Variants in TACC2 observed in about 807,000 individuals in gnomAD.
TACC2 encodes the protein transforming acidic coiled-coil containing protein 2.
Under a neutral mutation model 227.3 loss-of-function variants are expected in TACC2, and 137 were observed. The ratio of observed to expected loss-of-function variants is 0.60; its 90% CI spans 0.52 to 0.69. The LOEUF is 0.69. Ranked by LOEUF, TACC2 falls within the 30% of genes least tolerant of loss-of-function variation. TACC2 has a pLI of 0.00. For missense variants in TACC2, 3,470 were observed against 3,694.4 expected, an observed-to-expected ratio of 0.94 and a Z score of 1.57; for synonymous variants, 1,523 against 1,487.5, an observed-to-expected ratio of 1.02 and a Z score of -0.55.
chr10:122,076,433 A>T (rs1413039596), intron 3 of TACC2, among the ~76,000 whole-genome samples: 1 of 152,114 alleles, frequency 6.6e-6, no homozygotes, highest in East Asian at 1.9e-4. Context: ...CATTCAATCC[A>T]TTGCACTAAC....
intron 11 of TACC2, among the ~76,000 whole-genome samples, chr10:122,219,097 T>G (rs929945308): frequency 2.7e-4 from 41 of 151,348 alleles, no homozygotes; most frequent in Admixed American, 2.0e-3. Flanking sequence ...CTCAGCCTCC[T>G]TTGGATCCTT....
chr10:122,024,727 G>T (rs1957778762), intron 2 of TACC2, among the ~76,000 whole-genome samples: 1 of 151,892 alleles, frequency 6.6e-6, no homozygotes, highest in South Asian at 2.1e-4. Context: ...TCCAAGTACT[G>T]TGTGTATCAA....
intron 11 of TACC2, among the ~76,000 whole-genome samples, chr10:122,220,174 A>G (rs2095496389): frequency 6.6e-6 from 1 of 152,164 alleles, no homozygotes; most frequent in South Asian, 2.1e-4. Flanking sequence ...AAATACTAAC[A>G]GTACTTTTAG....
At chr10:122,047,156 G>A (rs538710051) in intron 2 of TACC2, among the ~76,000 whole-genome samples, 1 of 151,540 alleles carries the variant, frequency 6.6e-6, no homozygotes, top group East Asian at 1.9e-4. Context: ...GGGTGTGGTG[G>A]TGGGCACCTG....
intron 5 of TACC2, among the ~76,000 whole-genome samples, chr10:122,095,030 C>A (rs891862154): frequency 1.3e-5 from 2 of 152,166 alleles, no homozygotes; most frequent in African/African-American, 2.4e-5. Flanking sequence ...TGAGCTCCCC[C>A]CCACCACTTT....
chr10:122,105,594 G>A (rs73370195), intron 5 of TACC2, among the ~76,000 whole-genome samples: 8,947 of 150,936 alleles, frequency 0.059, 357 homozygotes, highest in East Asian at 0.19. Context: ...GCATGTGCCT[G>A]TCTTTCCACG....
At chr10:122,158,343 C>A (rs1231198573) in intron 7 of TACC2, among the ~76,000 whole-genome samples, 1 of 151,762 alleles carries the variant, frequency 6.6e-6, no homozygotes, top group Middle Eastern at 3.4e-3. Context: ...GAGCTGAGAT[C>A]GTGCCACTGC....
chr10:121,996,923 A>G (rs1953578097), intron 1 of TACC2, among the ~76,000 whole-genome samples: 1 of 152,044 alleles, frequency 6.6e-6, no homozygotes. Flanking sequence ...CAAGGAGAAG[A>G]CCAGGCTAGA....
At chr10:122,000,657 AATATT>A (rs1325942016) in intron 1 of TACC2, among the ~76,000 whole-genome samples, 2 of 152,292 alleles carry the variant, frequency 1.3e-5, no homozygotes, top group East Asian at 3.9e-4. Context: ...AAGTAGAGAG[AATATT>A]ATAAGCATCC....
At chr10:122,057,385 G>A (rs1031966141) in intron 3 of TACC2, among the ~76,000 whole-genome samples, 2 of 152,058 alleles carry the variant, frequency 1.3e-5, no homozygotes, top group East Asian at 1.9e-4. Flanking sequence ...CACAGAACCC[G>A]GTGACTGCCT....
intron 7 of TACC2, among the ~76,000 whole-genome samples, chr10:122,164,409 G>A (rs780661179): frequency 3.3e-5 from 5 of 152,250 alleles, no homozygotes; most frequent in Non-Finnish European, 5.9e-5. Context: ...CTGCGCTTGT[G>A]GCTGGGCAGA....
At chr10:122,061,285 C>CAAAAA (rs58324245) in intron 3 of TACC2, among the ~76,000 whole-genome samples, 7 of 87,018 alleles carry the variant, frequency 8.0e-5, no homozygotes, top group East Asian at 4.0e-4. Flanking sequence ...CACTCCGTCT[C>CAAAAA]AAAAAAAAAA....
intron 1 of TACC2, among the ~76,000 whole-genome samples, chr10:122,017,817 T>TC (rs1284835734): frequency 1.5e-4 from 4 of 27,066 alleles, no homozygotes; most frequent in Admixed American, 4.3e-4. Context: ...TGAAACTGTC[T>TC]CAAAAAAAAA....
intron 5 of TACC2, among the ~76,000 whole-genome samples, chr10:122,103,673 G>C (rs886707137): frequency 1.3e-5 from 2 of 152,152 alleles, no homozygotes; most frequent in Non-Finnish European, 2.9e-5. Flanking sequence ...TTGAATTCTT[G>C]GTGTTTGAGT....
chr10:122,111,597 T>G (rs903903923), intron 5 of TACC2, among the ~76,000 whole-genome samples: 3 of 152,042 alleles, frequency 2.0e-5, no homozygotes, highest in African/African-American at 7.2e-5. Flanking sequence ...TTTAAGCTAT[T>G]CTCCTGCCTC....
At chr10:122,111,071 C>G (rs560980596) in intron 5 of TACC2, among the ~76,000 whole-genome samples, 3 of 152,326 alleles carry the variant, frequency 2.0e-5, no homozygotes, top group East Asian at 1.9e-4. Context: ...TTCTCTGACT[C>G]TCTTCTTCCT....
Position 122,087,078 on chromosome 10 carries a change from G to T in TACC2, c.4578G>T (p.Arg1526Ser), listed in dbSNP as rs769594745. Residue 1526 changes from arginine to serine, a missense_variant, in exon 4 of 23, where the codon AGG becomes AGT. Physicochemically the swap from Arg to Ser is moderately radical, Grantham distance 110. This residue lies in a region of TACC2 where 1,924 missense variants were observed against 1,978.3 expected (regional missense o/e 0.97). Coordinates refer to ENST00000369005, the MANE Select transcript of TACC2 (RefSeq NM_206862.4). Reference protein sequence around the residue: ...KEMAGVPPTLREDERPEGPGA... With the variant: ...KEMAGVPPTLSEDERPEGPGA... ...TGGCAGGTGTCCCACCCACACTGAG[G>T]GAAGACGAGAGGCCAGAGGGGCCTG... 1.9e-6 allele frequency: 3 copies of T among 1,612,402 alleles called. No individual in the cohort carries two copies. The Admixed American group carries it at 5.0e-5, about 27-fold the overall frequency.
rs1172464526 is a variant in TACC2, at chr10:122,210,156, A to G, written c.5972-241A>G. The stretch of plus-strand genomic sequence containing the variant: ...AATGAATACTCTGAGCTGTTCTTTA[A>G]TCGGTCCTCATGATCCTCATTGTAC... On this transcript the variant is annotated intron_variant, in intron 8 of 22. Transcript: ENST00000369005. This position sits in a 1 kb window ranked among gnomAD's most constrained non-coding sequence, Gnocchi z 4.6. 1 of 577,266 alleles carries G rather than the reference A, an allele frequency of 1.7e-6. No homozygotes were observed. The highest frequency in any genetic ancestry group is 3.1e-6 in the Non-Finnish European group (1 of 317,566). The allele number at this position is 577,266 out of a possible 1,614,324, so 35.8% of individuals were successfully genotyped here.
intron 6 of TACC2, among the ~76,000 whole-genome samples, chr10:122,136,533 T>TTGTGTG (rs111268746): frequency 6.9e-6 from 1 of 144,666 alleles, no homozygotes; most frequent in African/African-American, 2.6e-5. Flanking sequence ...GTATGTATGT[T>TTGTGTG]TGTGTGTGTG....
Sources: gnomAD v4.1 joint callset for allele counts (sites outside exome capture counted in the v4.1 genomes callset) on GRCh38, gnomAD v4.1.1 for gene constraint, gnomAD v4.1.1 regional missense constraint, Gnocchi (gnomAD v3.1) non-coding constraint, MANE v1.5 for transcripts, NCBI Gene and HGNC (gene_info 2026-07-23, HGNC 2026-07-21) for gene names.